EGFLAM: variants seen among roughly 807,000 people sequenced by gnomAD.
EGFLAM encodes EGF like, fibronectin type III and laminin G domains.
Under a neutral mutation model 113.1 loss-of-function variants are expected in EGFLAM, and 79 were observed. The observed-to-expected ratio is 0.70, with a 90% confidence interval of 0.58 to 0.84. The LOEUF is 0.84. EGFLAM is among the 40% of genes least tolerant of loss of function. The pLI is 0.00. For missense variants in EGFLAM, 1,265 were observed against 1,291.6 expected (o/e 0.98, Z 0.32); for synonymous variants, 504 against 487.6 (o/e 1.03, Z -0.44).
chr5:38,273,528 G>T (rs993319403), intron 1 of EGFLAM, among the ~76,000 whole-genome samples: 8 of 152,246 alleles, frequency 5.3e-5, no homozygotes, highest in Non-Finnish European at 1.2e-4. Flanking sequence ...CAGCACTGCA[G>T]CAGCCTTAGC....
intron 1 of EGFLAM, among the ~76,000 whole-genome samples, chr5:38,292,136 T>C (rs1758351153): frequency 6.6e-6 from 1 of 152,186 alleles, no homozygotes; most frequent in South Asian, 2.1e-4. Context: ...CCTTTCTCAT[T>C]TTCCCCCCAG....
chr5:38,339,224 T>C (rs1739269962), intron 3 of EGFLAM, among the ~76,000 whole-genome samples: 1 of 152,232 alleles, frequency 6.6e-6, no homozygotes, highest in Non-Finnish European at 1.5e-5. Context: ...CCAAATTGTT[T>C]ATTTTTTTTT....
chr5:38,387,240 C>T (rs911935414), intron 6 of EGFLAM, among the ~76,000 whole-genome samples: 2 of 152,212 alleles, frequency 1.3e-5, no homozygotes, highest in Admixed American at 6.5e-5. Flanking sequence ...TATAAAACCA[C>T]CTCCACTGGC....
chr5:38,445,601 C>A, intron 17 of EGFLAM: 1 of 1,598,220 alleles, frequency 6.3e-7, no homozygotes, highest in Non-Finnish European at 8.5e-7. Context: ...AAGTGATCTG[C>A]AACCAGAGTA....
At chr5:38,275,309 A>G (rs1238556311) in intron 1 of EGFLAM, among the ~76,000 whole-genome samples, 2 of 152,326 alleles carry the variant, frequency 1.3e-5, no homozygotes, top group South Asian at 4.1e-4. Context: ...CCATCTATGC[A>G]CTGCTTATAA....
At chr5:38,379,082 C>G (rs1740441425) in intron 6 of EGFLAM, among the ~76,000 whole-genome samples, 1 of 152,114 alleles carries the variant, frequency 6.6e-6, no homozygotes. Flanking sequence ...AATTCAGAAA[C>G]AGAAGTACAA....
rs1742427826 is a variant in EGFLAM at position 38,438,432 on chromosome 5, T to C, written c.2441T>C (p.Phe814Ser). ...EGYDCDCPLGFEGLHCQKAII... is the reference protein window; with the variant it reads ...EGYDCDCPLGSEGLHCQKAII... ...TATGACTGTGACTGCCCCTTGGGCTTTGAGGGGCTTCACTGCCAGAAAGGT... is the reference window on the plus strand; with the variant it reads ...TATGACTGTGACTGCCCCTTGGGCTCTGAGGGGCTTCACTGCCAGAAAGGT... Residue 814 changes from phenylalanine (F) to serine (S), a missense_variant, in exon 17 of 22, where the codon TTT (phenylalanine) becomes TCT (serine). Physicochemically the swap from Phe to Ser is radical, Grantham distance 155. Coordinates refer to ENST00000322350, the MANE Select transcript of EGFLAM (RefSeq NM_152403.4). 1 of 1,610,694 alleles carries C rather than the reference T, an allele frequency of 6.2e-7. No homozygotes were observed. The highest frequency in any genetic ancestry group is 1.3e-5 in the African/African-American group (1 of 74,872).
intron 6 of EGFLAM, among the ~76,000 whole-genome samples, chr5:38,379,325 A>C (rs1480611956): frequency 1.3e-5 from 2 of 152,312 alleles, no homozygotes; most frequent in East Asian, 3.9e-4. Context: ...AAAAAAGTGA[A>C]TACCCCCAAA....
Position 38,337,593 on chromosome 5 carries a change from G to T in EGFLAM, c.171G>T (p.Met57Ile). The T allele has an allele frequency of 6.2e-7, 1 of 1,605,326 alleles. No individual in the cohort carries two copies. Among genetic ancestry groups the T allele is most frequent in the Non-Finnish European group, 8.5e-7 (1 of 1,175,276 alleles). ...NCTAFSIQWKMPRHPGSPILG... is the reference protein window; with the variant it reads ...NCTAFSIQWKIPRHPGSPILG... ...CGGCTTTCAGCATCCAGTGGAAAAT[G>T]CCAAGGCATCCTGGAAGTCCCATCC... is the stretch of plus-strand genomic sequence containing the variant. Residue 57 changes from methionine (M) to isoleucine (I), a missense_variant, in exon 2 of 22, where the codon ATG (methionine) becomes ATT (isoleucine). Met to Ile is a conservative substitution (Grantham distance 10, BLOSUM62 1). Transcript: ENST00000322350.
At chr5:38,396,344 C>T (rs1740962105) in intron 6 of EGFLAM, among the ~76,000 whole-genome samples, 1 of 152,208 alleles carries the variant, frequency 6.6e-6, no homozygotes, top group Non-Finnish European at 1.5e-5. Context: ...TAATAGTTTT[C>T]TCCCATTAAC....
intron 6 of EGFLAM, chr5:38,403,552 C>T (rs149755452): frequency 3.3e-4 from 105 of 315,974 alleles, no homozygotes; most frequent in African/African-American, 1.9e-3. Flanking sequence ...ACAACTGAGA[C>T]GGCTGCAGAC....
intron 1 of EGFLAM, among the ~76,000 whole-genome samples, chr5:38,336,498 C>T (rs1023798487): frequency 6.6e-6 from 1 of 151,878 alleles, no homozygotes; most frequent in Non-Finnish European, 1.5e-5. Context: ...GGCGTGAACC[C>T]GGGAGGCGGG....
intron 1 of EGFLAM, among the ~76,000 whole-genome samples, chr5:38,288,877 G>A (rs1758235495): frequency 1.3e-5 from 2 of 152,090 alleles, no homozygotes; most frequent in Non-Finnish European, 2.9e-5. Context: ...TGAGTGGTAG[G>A]GAAAGCACTG....
At chr5:38,305,557 G>A in intron 1 of EGFLAM, 1 of 405,738 alleles carries the variant, frequency 2.5e-6, no homozygotes, top group Non-Finnish European at 5.0e-6. Context: ...ATAGTGGGAA[G>A]GAGATGCTAG....
At chr5:38,324,495 C>G (rs1738828034) in intron 1 of EGFLAM, among the ~76,000 whole-genome samples, 1 of 152,106 alleles carries the variant, frequency 6.6e-6, no homozygotes, top group Admixed American at 6.5e-5. Flanking sequence ...ACACTTCAAA[C>G]AAATACACAA....
intron 1 of EGFLAM, among the ~76,000 whole-genome samples, chr5:38,275,937 A>G (rs1023970195): frequency 6.6e-6 from 1 of 152,236 alleles, no homozygotes; most frequent in African/African-American, 2.4e-5. Flanking sequence ...TCGCAAATAC[A>G]TGGAAATTAA....
intron 1 of EGFLAM, chr5:38,305,456 C>A (rs138426134): frequency 1.5e-5 from 7 of 454,336 alleles, no homozygotes; most frequent in Admixed American, 1.4e-4. Flanking sequence ...ATGACTGTCA[C>A]GAAAACTTGG....
chr5:38,362,120 A>G (rs1228252384), intron 5 of EGFLAM, among the ~76,000 whole-genome samples: 1 of 152,186 alleles, frequency 6.6e-6, no homozygotes, highest in Non-Finnish European at 1.5e-5. Flanking sequence ...GCACATATGC[A>G]TCCCCCGACC....
chr5:38,333,027 C>G (rs1739085864), intron 1 of EGFLAM, among the ~76,000 whole-genome samples: 1 of 152,186 alleles, frequency 6.6e-6, no homozygotes, highest in Non-Finnish European at 1.5e-5. Context: ...TATTCAGCTC[C>G]CACTTATAAG....
Sources: gnomAD v4.1 joint callset for allele counts (sites outside exome capture counted in the v4.1 genomes callset) on GRCh38, gnomAD v4.1.1 for gene constraint, MANE v1.5 for transcripts, NCBI Gene and HGNC (gene_info 2026-07-23, HGNC 2026-07-21) for gene names.